The following ATP8B2 variants were observed in gnomAD, a reference collection of about 807,000 sequenced individuals.
ATP8B2 encodes phospholipid-transporting ATPase ID.
ATP8B2 carries 70 observed loss-of-function variants against 133.4 expected under a neutral mutation model. The ratio of observed to expected loss-of-function variants is 0.52; its 90% CI spans 0.43 to 0.64. The LOEUF is 0.64. Ranked by LOEUF, ATP8B2 falls within the 30% of genes least tolerant of loss-of-function variation. The probability of loss-of-function intolerance (pLI) is 0.00; values close to 1 mark genes in which losing one functional copy is unlikely to be tolerated. For synonymous variants in ATP8B2, 517 were observed against 589.5 expected, an observed-to-expected ratio of 0.88 and a Z score of 1.78; for missense variants, 1,101 against 1,535.7, an observed-to-expected ratio of 0.72 and a Z score of 4.73.
rs374449722 is a variant in ATP8B2 at position 154,335,778 on chromosome 1, G to T, written c.837+1187G>T. Reference sequence around the variant, plus strand: ...ATCTTAGCCAGGTGCAGTGGCTCACGCCTGTAATCCCAGCACTTTGGGAGA... The same window carrying T: ...ATCTTAGCCAGGTGCAGTGGCTCACTCCTGTAATCCCAGCACTTTGGGAGA... On this transcript the variant is annotated intron_variant, in intron 11 of 27. Coordinates refer to ENST00000368489, the MANE Select transcript of ATP8B2 (RefSeq NM_001370597.1). 2.0e-5 allele frequency among the ~76,000 whole-genome samples: 3 copies of T among 150,750 alleles called. No homozygotes were observed. In the East Asian group the frequency reaches 5.9e-4, roughly 30 times the overall value.
intron 1 of ATP8B2, among the ~76,000 whole-genome samples, chr1:154,327,599 T>C (rs1685831236): frequency 1.3e-5 from 2 of 152,040 alleles, no homozygotes; most frequent in Non-Finnish European, 2.9e-5. Context: ...ATGGAAGCCC[T>C]AGTAATGGGG....
Position 154,334,590 on chromosome 1 carries a change from G to A in ATP8B2, c.836G>A (p.Trp279Ter). Residue 279 changes from tryptophan to a stop codon, truncating the protein, a stop_gained and splice_region_variant, in exon 11 of 28, where the codon TGG becomes TAG. Coordinates refer to ENST00000368489, the MANE Select transcript of ATP8B2 (RefSeq NM_001370597.1). LOFTEE classifies it high-confidence loss of function. The surrounding 1 kb of genome is among the most constrained non-coding windows in gnomAD (Gnocchi z 4.6). ...IDRLMNTLVL[W>*]IFGFLVCMGV... is the part of the protein sequence containing the mutation. ...CGCCTAATGAATACCCTGGTGCTCT[G>A]GGTGAGGCGCCCCACATCTGGCTCC... 6.2e-7 allele frequency: 1 copy of A among 1,613,652 alleles called. No homozygotes were observed. The highest frequency in any genetic ancestry group is 8.5e-7 in the Non-Finnish European group (1 of 1,179,814).
chr1:154,337,844 G>A, intron 12 of ATP8B2: 1 of 1,090,646 alleles, frequency 9.2e-7, no homozygotes, highest in Non-Finnish European at 1.2e-6. Flanking sequence ...GATGAATTAG[G>A]AATGGATCTC....
chr1:154,334,675 C>A lies in ATP8B2; in HGVS notation c.837+84C>A. On this transcript the variant is annotated intron_variant, in intron 11 of 27. Coordinates refer to ENST00000368489, the MANE Select transcript of ATP8B2 (RefSeq NM_001370597.1). This position sits in a 1 kb window ranked among gnomAD's most constrained non-coding sequence, Gnocchi z 4.6. ...TTTCCTTTCCTCTTTCTTCTTTGGT[C>A]AGTAGACTTCAGGTTTGGCTTTAAA... The A allele has an allele frequency of 1.7e-6, 2 of 1,195,226 alleles. No individual in the cohort carries two copies. Among genetic ancestry groups the A allele is most frequent in the South Asian group, 1.3e-5 (1 of 74,720 alleles). The allele number at this position is 1,195,226 out of a possible 1,614,324, so 74.0% of individuals were successfully genotyped here.
intron 2 of ATP8B2, among the ~76,000 whole-genome samples, chr1:154,329,471 G>A (rs1261277180): frequency 6.6e-6 from 1 of 151,984 alleles, no homozygotes; most frequent in East Asian, 1.9e-4. Context: ...TTTGCAGCAT[G>A]AGGTCATGGT....
In ATP8B2 at chr1:154,344,426, G is replaced by C. The variant is rs1165312612; in HGVS notation, c.2067G>C (p.Lys689Asn). 12 of 1,614,202 alleles carry C rather than the reference G, an allele frequency of 7.4e-6. No individual in the cohort carries two copies. The highest frequency in any genetic ancestry group is 9.3e-6 in the Non-Finnish European group (11 of 1,180,032). ...CTGTGAACATCGGCTATTCCTGCAA[G>C]ATGCTGACGGATGACATGACTGAGG... ...ETAVNIGYSC[K>N]MLTDDMTEVF... Residue 689 changes from lysine to asparagine, a missense_variant, in exon 20 of 28, where the codon AAG becomes AAC. Lys to Asn is a moderately conservative substitution (Grantham distance 94). Transcript: ENST00000368489. This position sits in a 1 kb window ranked among gnomAD's most constrained non-coding sequence, Gnocchi z 4.1.
chr1:154,325,871 C>T (rs893996149), intron 1 of ATP8B2, among the ~76,000 whole-genome samples, 169 bp downstream of exon 1: 182 of 152,150 alleles, frequency 1.2e-3, no homozygotes, highest in African/African-American at 4.3e-3. Flanking sequence ...GGGATGGCGG[C>T]CGACTGGAGA....
At position 154,342,539 on chromosome 1, in the gene ATP8B2, C is replaced by T. The variant is rs760678486; in HGVS notation, c.1287+16C>T. On this transcript the variant is annotated intron_variant, in intron 14 of 27. Coordinates refer to ENST00000368489, the MANE Select transcript of ATP8B2 (RefSeq NM_001370597.1). Reference sequence around the variant, plus strand: ...ATTGGGAGAGGTAAGATTCAGTCTCCCTAATTCTATGTGCCAGTGAAACAG... The same window carrying T: ...ATTGGGAGAGGTAAGATTCAGTCTCTCTAATTCTATGTGCCAGTGAAACAG... 8 of 1,611,860 alleles carry T rather than the reference C, an allele frequency of 5.0e-6. No homozygotes were observed. Among genetic ancestry groups the T allele is most frequent in the South Asian group, 1.1e-5 (1 of 91,040 alleles).
Position 154,340,713 on chromosome 1 carries a change from C to T in ATP8B2, c.1035-141C>T. ...GCTCCACCTTCAGGCTCTCCTTGCC[C>T]TTTCCCACCCAGGTTTCTGTGCCCA... is the stretch of plus-strand genomic sequence containing the variant. On this transcript the variant is annotated intron_variant, in intron 12 of 27. Coordinates refer to ENST00000368489, the MANE Select transcript of ATP8B2 (RefSeq NM_001370597.1). The surrounding 1 kb of genome is among the most constrained non-coding windows in gnomAD (Gnocchi z 4.0). 2.5e-6 allele frequency: 2 copies of T among 801,604 alleles called. No homozygotes were observed. Among genetic ancestry groups the T allele is most frequent in the Non-Finnish European group, 4.1e-6 (2 of 484,120 alleles). The allele number at this position is 801,604 out of a possible 1,614,324, so 49.7% of individuals were successfully genotyped here.
chr1:154,342,130 T>G (rs1378173832), intron 13 of ATP8B2, among the ~76,000 whole-genome samples: 1 of 152,128 alleles, frequency 6.6e-6, no homozygotes, highest in East Asian at 1.9e-4. Context: ...TTTCGGTCAG[T>G]GTCTGAGCCT....
In ATP8B2 at chr1:154,334,255, C is replaced by T. The variant is rs1225515846; in HGVS notation, c.738C>T (p.Val246=). The T allele has an allele frequency of 1.9e-6, 3 of 1,613,884 alleles. No individual in the cohort carries two copies. The Admixed American group carries it at 5.0e-5, about 27-fold the overall frequency. The change falls in exon 10 of 28, where the codon GTC becomes GTT. Residue 246 remains valine, a synonymous_variant. Transcript: ENST00000368489. The surrounding 1 kb of genome is among the most constrained non-coding windows in gnomAD (Gnocchi z 4.6). ...ACACCGAGTGGTGCTTCGGGCTGGTCATCTTTGCAGGTGAGCCTCCTAGCA... is the reference window on the plus strand; with the variant it reads ...ACACCGAGTGGTGCTTCGGGCTGGTTATCTTTGCAGGTGAGCCTCCTAGCA... ...LRNTEWCFGL[V]IFAGPDTKLM... is the part of the protein sequence containing the mutation.
At chr1:154,342,192 T>C (rs754825796) in intron 13 of ATP8B2, among the ~76,000 whole-genome samples, 8 of 151,968 alleles carry the variant, frequency 5.3e-5, no homozygotes, top group Non-Finnish European at 1.0e-4. Context: ...GGTGTGGAAT[T>C]GGAGCTGCCC....
intron 27 of ATP8B2, 115 bp from the exon 28 acceptor site, chr1:154,348,725 C>T: frequency 1.4e-6 from 2 of 1,384,444 alleles, no homozygotes; most frequent in Non-Finnish European, 1.9e-6. Flanking sequence ...GTCCCAGGTG[C>T]TGTGGGTCGG....
At chr1:154,327,341 A>G (rs900996971) in intron 1 of ATP8B2, among the ~76,000 whole-genome samples, 16 of 147,838 alleles carry the variant, frequency 1.1e-4, no homozygotes, top group African/African-American at 4.0e-4. Flanking sequence ...GAGAAAGGAC[A>G]TGGGAAGGCG....
chr1:154,346,815 C>A lies in ATP8B2; in HGVS notation c.3163+57C>A. The A allele has an allele frequency of 6.4e-7, 1 of 1,572,360 alleles. No individual in the cohort carries two copies. Among genetic ancestry groups the A allele is most frequent in the East Asian group, 2.3e-5 (1 of 44,434 alleles). The stretch of plus-strand genomic sequence containing the variant: ...GGAATCACAGCTGTTCTGGGACTAA[C>A]AGGACCATCAGCTAATCTGCACATT... On this transcript the variant is annotated intron_variant, in intron 26 of 27. Coordinates refer to ENST00000368489, the MANE Select transcript of ATP8B2 (RefSeq NM_001370597.1). This position sits in a 1 kb window ranked among gnomAD's most constrained non-coding sequence, Gnocchi z 4.5.
Position 154,346,119 on chromosome 1 carries a change from C to A in ATP8B2, c.2779-112C>A. ...CTGGCTTGAGGTTGGTTCTAGCTGC[C>A]AAAGACTTTGGAAAGGAGGAGGCAG... On this transcript the variant is annotated intron_variant, in intron 24 of 27. Transcript: ENST00000368489. This position sits in a 1 kb window ranked among gnomAD's most constrained non-coding sequence, Gnocchi z 4.5. The A allele has an allele frequency of 6.7e-7, 1 of 1,487,138 alleles. No individual in the cohort carries two copies. The highest frequency in any genetic ancestry group is 9.1e-7 in the Non-Finnish European group (1 of 1,093,548). 92.1% of individuals were successfully genotyped at this position (1,487,138 alleles called of 1,614,324 possible).
At chr1:154,329,995 A>AG (rs1199207605) in intron 2 of ATP8B2, among the ~76,000 whole-genome samples, 1 of 152,156 alleles carries the variant, frequency 6.6e-6, no homozygotes, top group Non-Finnish European at 1.5e-5. Context: ...AGTGGTCCCC[A>AG]GGGGGAAGGA....
In ATP8B2 at chr1:154,345,546, G is replaced by A. The variant is rs1178698850; in HGVS notation, c.2694+1G>A. 2 of 1,607,940 alleles carry A rather than the reference G, an allele frequency of 1.2e-6. No individual in the cohort carries two copies. The highest frequency in any genetic ancestry group is 1.7e-6 in the Non-Finnish European group (2 of 1,175,822). On this transcript the variant is annotated splice_donor_variant, in intron 23 of 27. Transcript: ENST00000368489. LOFTEE classifies it high-confidence loss of function. This position sits in a 1 kb window ranked among gnomAD's most constrained non-coding sequence, Gnocchi z 5.6. ...CTTCTTCTGTGGCTTCTCAGCCCAG[G>A]TAATAAATGTTCCCAGTCCACTGTT... is the stretch of plus-strand genomic sequence containing the variant.
Position 154,328,292 on chromosome 1 carries a change from C to G in ATP8B2, c.31+120C>G, listed in dbSNP as rs902458258. Reference sequence around the variant, plus strand: ...TCTGAGGGAGGGTAGCTTACAGCAGCCCCTACCCAGCTTGGGGGCAGCCTA... The same window carrying G: ...TCTGAGGGAGGGTAGCTTACAGCAGGCCCTACCCAGCTTGGGGGCAGCCTA... On this transcript the variant is annotated intron_variant, in intron 2 of 27. Coordinates refer to ENST00000368489, the MANE Select transcript of ATP8B2 (RefSeq NM_001370597.1). The surrounding 1 kb of genome is among the most constrained non-coding windows in gnomAD (Gnocchi z 4.6). 3.5e-5 allele frequency: 39 copies of G among 1,108,476 alleles called. No individual in the cohort carries two copies. In the African/African-American group the frequency reaches 5.6e-4, roughly 16 times the overall value. 68.7% of individuals were successfully genotyped at this position (1,108,476 alleles called of 1,614,324 possible). A position where few individuals can be genotyped will look rare whatever the true frequency, so the allele number is the denominator to read the frequency against.
Sources: allele counts gnomAD v4.1 joint callset (sites outside exome capture counted in the v4.1 genomes callset), GRCh38; gene constraint gnomAD v4.1.1; non-coding constraint Gnocchi (gnomAD v3.1); transcripts MANE v1.5; gene names NCBI Gene and HGNC (gene_info 2026-07-23, HGNC 2026-07-21).